WWOX: variants seen among roughly 807,000 people sequenced by gnomAD.
WWOX encodes the protein WW domain-containing oxidoreductase.
A neutral mutation model predicts 46.2 loss-of-function variants in WWOX; 69 were observed. That is an observed-to-expected ratio of 1.49 (90% CI 1.23 to 1.82). The LOEUF (loss-of-function observed/expected upper bound fraction) is 1.82, where lower values mean the gene tolerates loss of function less well. Ranked by LOEUF, WWOX falls within the 40% of genes most tolerant of loss-of-function variation. WWOX has a pLI of 0.00. For missense variants in WWOX, 919 were observed against 542.6 expected (o/e 1.69, Z -6.89); for synonymous variants, 359 against 202.6 (o/e 1.77, Z -6.56).
At chr16:79,030,132 A>C (rs1047304890) in intron 8 of WWOX, among the ~76,000 whole-genome samples, 4 of 152,214 alleles carry the variant, frequency 2.6e-5, no homozygotes, top group African/African-American at 9.6e-5. Context: ...TGTTCACCAG[A>C]ATTTTATGAA....
intron 8 of WWOX, among the ~76,000 whole-genome samples, chr16:78,894,194 T>C (rs79398450): frequency 6.6e-6 from 1 of 152,190 alleles, no homozygotes; most frequent in East Asian, 1.9e-4. Flanking sequence ...AAGTGTACTG[T>C]GGCAATTGTT....
At chr16:79,112,607 T>C (rs1188240213) in intron 8 of WWOX, among the ~76,000 whole-genome samples, 3 of 152,216 alleles carry the variant, frequency 2.0e-5, no homozygotes, top group Non-Finnish European at 2.9e-5. Context: ...TTCATCTCGG[T>C]TTTATTTCTC....
At chr16:78,150,338 A>T (rs903020659) in intron 4 of WWOX, among the ~76,000 whole-genome samples, 2 of 152,162 alleles carry the variant, frequency 1.3e-5, no homozygotes, top group African/African-American at 4.8e-5. Context: ...ATGCTCAGCA[A>T]TCTGGAAGCT....
intron 4 of WWOX, among the ~76,000 whole-genome samples, chr16:78,117,966 C>T (rs187075911): frequency 6.3e-4 from 96 of 151,702 alleles, no homozygotes; most frequent in Admixed American, 1.1e-3. Context: ...ACAATAAAAA[C>T]ATAGATATCT....
intron 8 of WWOX, among the ~76,000 whole-genome samples, chr16:78,956,520 T>A (rs754862745): frequency 6.6e-5 from 10 of 152,162 alleles, no homozygotes; most frequent in Non-Finnish European, 1.3e-4. Flanking sequence ...ATAGGTTCAT[T>A]AGGTTCACAG....
intron 8 of WWOX, 80 bp downstream of exon 8, chr16:78,432,832 C>G: frequency 1.2e-6 from 2 of 1,603,364 alleles, no homozygotes; most frequent in South Asian, 1.1e-5. Flanking sequence ...CTTTTTACCT[C>G]TTGCGGGCAT....
intron 8 of WWOX, among the ~76,000 whole-genome samples, chr16:78,665,727 C>T (rs2047314877): frequency 6.6e-6 from 1 of 152,122 alleles, no homozygotes; most frequent in South Asian, 2.1e-4. Context: ...CTCTGTCGCC[C>T]AGGCTGTAGT....
intron 8 of WWOX, chr16:78,756,862 T>G: frequency 1.4e-6 from 1 of 701,454 alleles, no homozygotes; most frequent in African/African-American, 1.7e-5. Flanking sequence ...ATTGCAGACA[T>G]CAGAGCATGT....
At chr16:78,694,029 C>G (rs1188966787) in intron 8 of WWOX, among the ~76,000 whole-genome samples, 1 of 152,036 alleles carries the variant, frequency 6.6e-6, no homozygotes, top group Non-Finnish European at 1.5e-5. Flanking sequence ...GGTCAGAGTT[C>G]AAGACCAGCC....
chr16:78,713,536 A>C (rs537744573), intron 8 of WWOX, among the ~76,000 whole-genome samples: 2 of 152,250 alleles, frequency 1.3e-5, no homozygotes, highest in East Asian at 3.9e-4. Context: ...AGTTAAAATG[A>C]GGTTGCTTGG....
chr16:79,164,370 T>A (rs956349255), intron 8 of WWOX, among the ~76,000 whole-genome samples: 3 of 151,998 alleles, frequency 2.0e-5, no homozygotes, highest in African/African-American at 7.3e-5. Flanking sequence ...CCACATTGAG[T>A]GAATTTTATA....
At chr16:78,849,980 G>A (rs1049493584) in intron 8 of WWOX, among the ~76,000 whole-genome samples, 4 of 152,118 alleles carry the variant, frequency 2.6e-5, no homozygotes, top group Non-Finnish European at 4.4e-5. Context: ...GCTGAGGCAG[G>A]AGAATAGCTT....
intron 8 of WWOX, among the ~76,000 whole-genome samples, chr16:78,498,131 G>T (rs1413055552): frequency 2.0e-5 from 3 of 149,912 alleles, no homozygotes; most frequent in Non-Finnish European, 4.4e-5. Flanking sequence ...CATGAACATG[G>T]GAGGTGGAGC....
At chr16:78,108,279 T>A (rs2032277494) in intron 1 of WWOX, 144 bp from the exon 2 acceptor site, 2 of 781,116 alleles carry the variant, frequency 2.6e-6, no homozygotes, top group South Asian at 3.1e-5. Context: ...ACCCCGTAGC[T>A]GGGGTCACAG....
intron 5 of WWOX, among the ~76,000 whole-genome samples, chr16:78,248,626 C>T (rs906183862): frequency 6.6e-6 from 1 of 151,978 alleles, no homozygotes. Flanking sequence ...GTCACAGCTA[C>T]TCAGGAGGCT....
At chr16:78,952,310 A>C (rs572806755) in intron 8 of WWOX, among the ~76,000 whole-genome samples, 2 of 151,898 alleles carry the variant, frequency 1.3e-5, no homozygotes, top group Admixed American at 6.6e-5. Flanking sequence ...ATAAGTTTTC[A>C]TAGTTCTGTG....
Position 78,471,860 on chromosome 16 carries a change from A to C in WWOX, c.1056+39108A>C, listed in dbSNP as rs142900860. Reference sequence around the variant, plus strand: ...CACATTAAATAAACTTTTACATTTTAATGTACCAATTTGCAATTTTTTTTT... The same window carrying C: ...CACATTAAATAAACTTTTACATTTTCATGTACCAATTTGCAATTTTTTTTT... On this transcript the variant is annotated intron_variant, in intron 8 of 8. Coordinates refer to ENST00000566780, the MANE Select transcript of WWOX (RefSeq NM_016373.4). Among the ~76,000 whole-genome samples, 1,446 of 152,292 alleles carry C rather than the reference A, an allele frequency of 9.5e-3. 26 individuals are homozygous for C. The highest frequency in any genetic ancestry group is 0.033 in the African/African-American group (1,368 of 41,550).
chr16:79,053,685 C>G (rs572080011), intron 8 of WWOX, among the ~76,000 whole-genome samples: 3 of 152,208 alleles, frequency 2.0e-5, no homozygotes, highest in East Asian at 1.9e-4. Flanking sequence ...TTGGGGAACG[C>G]TTTTAGAGGA....
At chr16:78,788,892 C>T (rs1364194569) in intron 8 of WWOX, among the ~76,000 whole-genome samples, 1 of 152,158 alleles carries the variant, frequency 6.6e-6, no homozygotes, top group Non-Finnish European at 1.5e-5. Flanking sequence ...TTGGAGGACT[C>T]CCAGCTGCTG....
Sources: allele counts gnomAD v4.1 joint callset (sites outside exome capture counted in the v4.1 genomes callset), GRCh38; gene constraint gnomAD v4.1.1; transcripts MANE v1.5; gene names NCBI Gene and HGNC (gene_info 2026-07-23, HGNC 2026-07-21).